Variants in LY75 observed in about 807,000 individuals in gnomAD.
LY75 encodes lymphocyte antigen 75, also known as C-type lectin domain family 13 member B.
Under a neutral mutation model 231.7 loss-of-function variants are expected in LY75, and 185 were observed. The observed-to-expected ratio is 0.80, with a 90% CI of 0.71 to 0.90. LY75 has a LOEUF of 0.90. LY75 is among the 40% of genes least tolerant of loss of function. The probability of loss-of-function intolerance (pLI) is 0.00; values close to 1 mark genes in which losing one functional copy is unlikely to be tolerated. For missense variants in LY75, 1,947 were observed against 2,050.2 expected (o/e 0.95, Z 0.97); for synonymous variants, 668 against 689.0 (o/e 0.97, Z 0.48).
rs757564987 is a variant in LY75, at chr2:159,849,967, T to C, written c.3150+13A>G. ...CAGAGGTATGAAGAGTATTGGTTTT[T>C]AAAAAAACTTACATTTTCTGGTATT... On this transcript the variant is annotated intron_variant, in intron 23 of 34. Transcript: ENST00000263636. 2.5e-6 allele frequency: 4 copies of C among 1,607,820 alleles called. No individual in the cohort carries two copies. Among genetic ancestry groups the C allele is most frequent in the African/African-American group, 2.7e-5 (2 of 74,402 alleles).
Position 159,805,150 on chromosome 2 carries a change from C to T in LY75, c.5063G>A (p.Trp1688Ter). 2 of 1,614,022 alleles carry T rather than the reference C, an allele frequency of 1.2e-6. No individual in the cohort carries two copies. Among genetic ancestry groups the T allele is most frequent in the Non-Finnish European group, 1.7e-6 (2 of 1,179,960 alleles). Residue 1688 changes from tryptophan (W) to a stop codon, truncating the protein, a stop_gained, in exon 35 of 35, where the codon TGG (tryptophan) becomes TAG (stop). Coordinates refer to ENST00000263636, the MANE Select transcript of LY75 (RefSeq NM_002349.4). LOFTEE classifies it high-confidence loss of function. ...SILVLMGGLI[W>*]FLFQRHRLHL... ...CAAACGGTGCCTTTGGAAGAGGAACCAAATCAGTCCGCCCATGAGAACTAA... is the reference window on the plus strand; with the variant it reads ...CAAACGGTGCCTTTGGAAGAGGAACTAAATCAGTCCGCCCATGAGAACTAA...
chr2:159,865,772 C>T (rs983670995), intron 13 of LY75, among the ~76,000 whole-genome samples: 2 of 151,990 alleles, frequency 1.3e-5, no homozygotes, highest in African/African-American at 4.8e-5. Context: ...GATCTGAATG[C>T]CAGTATTCAG....
chr2:159,854,786 A>C, intron 17 of LY75, 118 bp downstream of exon 17: 1 of 1,444,602 alleles, frequency 6.9e-7, no homozygotes, highest in African/African-American at 1.4e-5. Flanking sequence ...CCTTGCCTGG[A>C]GAAATTTTGT....
chr2:159,841,662 A>G (rs1030827240), intron 24 of LY75, among the ~76,000 whole-genome samples: 1 of 152,190 alleles, frequency 6.6e-6, no homozygotes, highest in African/African-American at 2.4e-5. Context: ...ATCTGTTTAT[A>G]ATGTTTCAAA....
intron 8 of LY75, 137 bp downstream of exon 8, chr2:159,880,946 G>A (rs1016560989): frequency 1.2e-5 from 13 of 1,059,672 alleles, no homozygotes; most frequent in Admixed American, 8.4e-5. Flanking sequence ...GTAATGGTCC[G>A]TGGCTCTGTA....
At chr2:159,890,034 A>G (rs1685702499) in intron 4 of LY75, among the ~76,000 whole-genome samples, 179 bp downstream of exon 4, 1 of 152,194 alleles carries the variant, frequency 6.6e-6, no homozygotes, top group Non-Finnish European at 1.5e-5. Flanking sequence ...ACATTTCTCA[A>G]TGGTGAAATA....
chr2:159,866,269 A>T (rs1684854694), intron 13 of LY75, among the ~76,000 whole-genome samples: 1 of 152,184 alleles, frequency 6.6e-6, no homozygotes, highest in African/African-American at 2.4e-5. Context: ...GAAACAAAGA[A>T]TTTTAAACTG....
intron 13 of LY75, among the ~76,000 whole-genome samples, chr2:159,867,818 G>T (rs1170606495): frequency 6.6e-6 from 1 of 152,176 alleles, no homozygotes; most frequent in Non-Finnish European, 1.5e-5. Context: ...TACAGTGGCT[G>T]TCCCTGTTGG....
intron 2 of LY75, among the ~76,000 whole-genome samples, chr2:159,897,421 C>T (rs529363178): frequency 6.6e-6 from 1 of 152,264 alleles, no homozygotes; most frequent in Admixed American, 6.5e-5. Context: ...TAGGAGGAAA[C>T]TGGCTCGCAG....
intron 1 of LY75, among the ~76,000 whole-genome samples, chr2:159,904,001 G>T (rs928381690): frequency 6.6e-6 from 1 of 152,240 alleles, no homozygotes; most frequent in Non-Finnish European, 1.5e-5. Flanking sequence ...AAGGTTTGTT[G>T]CTCTAGGCGG....
At chr2:159,891,744 G>A (rs763398855) in intron 3 of LY75, among the ~76,000 whole-genome samples, 5 of 152,182 alleles carry the variant, frequency 3.3e-5, no homozygotes, top group Admixed American at 6.5e-5. Flanking sequence ...AGTGGGGAAG[G>A]AGGATAAAGA....
intron 23 of LY75, among the ~76,000 whole-genome samples, chr2:159,848,091 T>TACACACACACACACACACAC (rs1427865594): frequency 1.2e-4 from 1 of 8,292 alleles, no homozygotes; most frequent in African/African-American, 3.7e-4. Context: ...TATATATATA[T>TACACACACACACACACACAC]ATACACACAC....
Position 159,817,027 on chromosome 2 carries a change from A to G in LY75, c.4159T>C (p.Tyr1387His), listed in dbSNP as rs765923268. The G allele has an allele frequency of 6.2e-7, 1 of 1,601,436 alleles. No individual in the cohort carries two copies. Among genetic ancestry groups the G allele is most frequent in the East Asian group, 2.2e-5 (1 of 44,694 alleles). ...ILACKIEMVD[Y>H]KEEYNTTLPQ... Reference sequence around the variant, plus strand: ...AGTGTAGTATTATATTCTTCTTTGTAGTCAACTATAATAATTAAAAGCACT... The same window carrying G: ...AGTGTAGTATTATATTCTTCTTTGTGGTCAACTATAATAATTAAAAGCACT... The change falls in exon 30 of 35, where the codon TAC becomes CAC. Residue 1387 changes from tyrosine to histidine, a missense_variant. Coordinates refer to ENST00000263636, the MANE Select transcript of LY75 (RefSeq NM_002349.4).
At position 159,814,638 on chromosome 2, in the gene LY75, G is replaced by C. The variant is rs1418676780; in HGVS notation, c.4549+767C>G. ...CCACTGCACTCCAGTCTGGGCAACA[G>C]AGCTGAAACCCTGTCAAAAAAAAAA... On this transcript the variant is annotated intron_variant, in intron 31 of 34. Transcript: ENST00000263636. 3.7e-5 allele frequency among the ~76,000 whole-genome samples: 5 copies of C among 136,284 alleles called. 1 individual carries two copies. The highest frequency in any genetic ancestry group is 1.4e-4 in the African/African-American group (5 of 35,792). 89.4% of individuals were successfully genotyped at this position (136,284 alleles called of 152,430 possible). A position where few individuals can be genotyped will look rare whatever the true frequency, so the allele number is the denominator to read the frequency against.
At chr2:159,828,761 T>C (rs1683558840) in intron 28 of LY75, among the ~76,000 whole-genome samples, 1 of 152,202 alleles carries the variant, frequency 6.6e-6, no homozygotes, top group South Asian at 2.1e-4. Context: ...CATCAAGTGA[T>C]ACATGGATAA....
intron 12 of LY75, among the ~76,000 whole-genome samples, chr2:159,874,165 G>GTATATATATTTTGTAAATATATATAAAC (rs1685116433): frequency 1.4e-3 from 2 of 1,398 alleles, no homozygotes; most frequent in Non-Finnish European, 2.6e-3. Context: ...ATATATAAAC[G>GTATATATATTTTGTAAATATATATAAAC]TATATATATT....
chr2:159,863,998 C>T (rs910381553), intron 14 of LY75, among the ~76,000 whole-genome samples: 2 of 152,116 alleles, frequency 1.3e-5, no homozygotes, highest in African/African-American at 4.8e-5. Context: ...GATGTGTAGC[C>T]TATGTGTGAA....
intron 19 of LY75, 27 bp from the exon 20 acceptor site, chr2:159,853,379 C>T (rs1321998918): frequency 1.9e-6 from 3 of 1,609,310 alleles, no homozygotes; most frequent in Admixed American, 1.7e-5. Context: ...GATTTGACAA[C>T]TCGTAATGTA....
At chr2:159,873,712 T>C (rs1176192740) in intron 12 of LY75, among the ~76,000 whole-genome samples, 1 of 148,910 alleles carries the variant, frequency 6.7e-6, no homozygotes, top group Admixed American at 6.8e-5. Flanking sequence ...TAAATATATA[T>C]ACATATAATA....
Sources: gnomAD v4.1 joint callset for allele counts (sites outside exome capture counted in the v4.1 genomes callset) on GRCh38, gnomAD v4.1.1 for gene constraint, MANE v1.5 for transcripts, NCBI Gene and HGNC (gene_info 2026-07-23, HGNC 2026-07-21) for gene names.